Variants in MMP10 observed in about 807,000 individuals in gnomAD.
MMP10 encodes the protein stromelysin-2.
MMP10 carries 50 observed loss-of-function variants against 49.1 expected under a neutral mutation model. The observed-to-expected ratio is 1.02, with a 90% CI of 0.81 to 1.29. MMP10 has a LOEUF of 1.29. MMP10 is among the 50% of genes most tolerant of loss of function. The pLI is 0.00. For synonymous variants in MMP10, 229 were observed against 201.6 expected (o/e 1.14, Z -1.15); for missense variants, 613 against 563.8 (o/e 1.09, Z -0.88).
intron 7 of MMP10, among the ~76,000 whole-genome samples, chr11:102,774,217 T>C (rs763418220): frequency 1.3e-5 from 2 of 152,082 alleles, no homozygotes; most frequent in African/African-American, 2.4e-5. Flanking sequence ...ACAGAAGAAA[T>C]GGTTATTTAT....
chr11:102,776,845 T>G, intron 4 of MMP10, 69 bp from the exon 5 acceptor site: 1 of 1,584,278 alleles, frequency 6.3e-7, no homozygotes, highest in South Asian at 1.1e-5. Context: ...ACAGAACATA[T>G]GCCAGCTGTA....
rs1291229754 is a variant in MMP10 at position 102,775,222 on chromosome 11, T to C, written c.1032A>G (p.Glu344=). 2.5e-6 allele frequency: 4 copies of C among 1,607,214 alleles called. No homozygotes were observed. The highest frequency in any genetic ancestry group is 1.3e-5 in the African/African-American group (1 of 74,784). ...TAAAAACGGTGTCCCTGCTGTTAAC[T>C]TCATATGCAGCATCCAAATATGATG... is the stretch of plus-strand genomic sequence containing the variant. ...SLPSYLDAAY[E]VNSRDTVFIF... The change falls in exon 7 of 10, where the codon GAA becomes GAG. Residue 344 remains glutamate (E), a synonymous_variant. Transcript: ENST00000279441.
intron 4 of MMP10, 91 bp from the exon 5 acceptor site, chr11:102,776,867 T>C: frequency 7.0e-7 from 1 of 1,419,184 alleles, no homozygotes; most frequent in East Asian, 2.3e-5. Flanking sequence ...AGGCCATCCT[T>C]GAAACCACAA....
At chr11:102,779,172 C>T (rs1163391967) in intron 3 of MMP10, 41 bp downstream of exon 3, 1 of 1,607,730 alleles carries the variant, frequency 6.2e-7, no homozygotes, top group African/African-American at 1.3e-5. Flanking sequence ...GCAGTCTGAA[C>T]AGATGAATAC....
intron 1 of MMP10, 80 bp from the exon 2 acceptor site, chr11:102,779,825 C>T (rs1186906743): frequency 6.8e-7 from 1 of 1,471,720 alleles, no homozygotes; most frequent in Non-Finnish European, 9.1e-7. Context: ...CGTAATTTTC[C>T]TCTAGTTTCT....
At chr11:102,774,452 A>G (rs555118478) in intron 7 of MMP10, among the ~76,000 whole-genome samples, 2 of 152,226 alleles carry the variant, frequency 1.3e-5, no homozygotes, top group East Asian at 1.9e-4. Context: ...ATTATTACAT[A>G]TATTATGAGA....
intron 4 of MMP10, among the ~76,000 whole-genome samples, chr11:102,777,058 A>G (rs1857751558): frequency 6.6e-6 from 1 of 151,326 alleles, no homozygotes; most frequent in Admixed American, 6.6e-5. Context: ...ACAAATGAGA[A>G]GCATTATTTT....
At position 102,772,185 on chromosome 11, in the gene MMP10, A is replaced by G; in HGVS notation, c.1227-70T>C. 5 of 960,320 alleles carry G rather than the reference A, an allele frequency of 5.2e-6. No homozygotes were observed. The highest frequency in any genetic ancestry group is 7.9e-6 in the Non-Finnish European group (5 of 634,290). The allele number at this position is 960,320 out of a possible 1,614,324, so 59.5% of individuals were successfully genotyped here. A position where few individuals can be genotyped will look rare whatever the true frequency, so the allele number is the denominator to read the frequency against. Reference sequence around the variant, plus strand: ...CCATTACACACAATAGTATAATGTGATGTTAATTTTCCAGTGTGGAATCCT... The same window carrying G: ...CCATTACACACAATAGTATAATGTGGTGTTAATTTTCCAGTGTGGAATCCT... On this transcript the variant is annotated intron_variant, in intron 8 of 9. Transcript: ENST00000279441. This position sits in a 1 kb window ranked among gnomAD's most constrained non-coding sequence, Gnocchi z 4.4.
In MMP10 at chr11:102,776,326, C is replaced by T. The variant is rs139185475; in HGVS notation, c.886G>A (p.Asp296Asn). 4.2e-5 allele frequency: 67 copies of T among 1,613,852 alleles called. No individual in the cohort carries two copies. The East Asian group carries it at 5.1e-4, about 12-fold the overall frequency. ...TCTCCCCTCAGAGTGCTGATGGCAT[C>T]GAAGGACAAAGCAGGATCACACTTG... Reference protein sequence around the residue: ...PAKCDPALSFDAISTLRGEYL... With the variant: ...PAKCDPALSFNAISTLRGEYL... Residue 296 changes from aspartate (D) to asparagine (N), a missense_variant, in exon 6 of 10, where the codon GAT (aspartate) becomes AAT (asparagine). Transcript: ENST00000279441.
chr11:102,775,326 A>C lies in MMP10; in HGVS notation c.933-5T>G, dbSNP rs1380588785. ...TGGGATCTTCGCCAAAAATATCTGT[A>C]ATACATAAAATTACTTGCAATTGTC... On this transcript the variant is annotated splice_region_variant and splice_polypyrimidine_tract_variant and intron_variant, in intron 6 of 9. Coordinates refer to ENST00000279441, the MANE Select transcript of MMP10 (RefSeq NM_002425.3). 6.3e-7 allele frequency: 1 copy of C among 1,579,484 alleles called. No individual in the cohort carries two copies. Among genetic ancestry groups the C allele is most frequent in the Non-Finnish European group, 8.6e-7 (1 of 1,165,452 alleles).
intron 4 of MMP10, 140 bp downstream of exon 4, chr11:102,778,484 G>T: frequency 9.8e-7 from 1 of 1,018,000 alleles, no homozygotes; most frequent in Non-Finnish European, 1.4e-6. Flanking sequence ...GAAACAAACA[G>T]TACTTCTGTT....
At chr11:102,777,692 A>T (rs1294686475) in intron 4 of MMP10, among the ~76,000 whole-genome samples, 1 of 152,234 alleles carries the variant, frequency 6.6e-6, no homozygotes, top group East Asian at 1.9e-4. Context: ...TCAGCTTTTT[A>T]AAAATATTAT....
rs764434591 is a variant in MMP10 at position 102,778,620 on chromosome 11, C to T, written c.622+4G>A. The T allele has an allele frequency of 1.2e-6, 2 of 1,613,658 alleles. No individual in the cohort carries two copies. Among genetic ancestry groups the T allele is most frequent in the East Asian group, 4.5e-5 (2 of 44,868 alleles). On this transcript the variant is annotated splice_donor_region_variant and intron_variant, in intron 4 of 9. Transcript: ENST00000279441. ...GAAATGTTCCCGAGAGGTTTACGAC[C>T]CACCTGATGCATCTTCTGTCCATTT...
Position 102,777,282 on chromosome 11 carries a change from C to A in MMP10, c.623-506G>T, listed in dbSNP as rs143065533. Reference sequence around the variant, plus strand: ...TTTAGTCTGATTTTCTCTTCCTCCTCTTCATCATACTCAAGTAATTTTTTT... The same window carrying A: ...TTTAGTCTGATTTTCTCTTCCTCCTATTCATCATACTCAAGTAATTTTTTT... On this transcript the variant is annotated intron_variant, in intron 4 of 9. Transcript: ENST00000279441. 5.7e-4 allele frequency among the ~76,000 whole-genome samples: 87 copies of A among 152,166 alleles called. No individual in the cohort carries two copies. In the East Asian group the frequency reaches 0.016, roughly 28 times the overall value.
Position 102,772,170 on chromosome 11 carries a change from C to T in MMP10, c.1227-55G>A. 4.7e-6 allele frequency: 5 copies of T among 1,062,860 alleles called. No homozygotes were observed. The highest frequency in any genetic ancestry group is 5.8e-6 in the Non-Finnish European group (4 of 695,070). The allele number at this position is 1,062,860 out of a possible 1,614,324, so 65.8% of individuals were successfully genotyped here. On this transcript the variant is annotated intron_variant, in intron 8 of 9. Coordinates refer to ENST00000279441, the MANE Select transcript of MMP10 (RefSeq NM_002425.3). This position sits in a 1 kb window ranked among gnomAD's most constrained non-coding sequence, Gnocchi z 4.4. ...TGATGTGCAGTAGTCCCATTACACA[C>T]AATAGTATAATGTGATGTTAATTTT...
chr11:102,779,215 T>C lies in MMP10; in HGVS notation c.494A>G (p.Lys165Arg). The C allele has an allele frequency of 1.9e-6, 3 of 1,612,680 alleles. No individual in the cohort carries two copies. Among genetic ancestry groups the C allele is most frequent in the South Asian group, 1.1e-5 (1 of 90,922 alleles). ...AAATGGATGCTTTATTTGATTACCTTTAACTGCAAAAGAGATCATTATATC... is the reference window on the plus strand; with the variant it reads ...AAATGGATGCTTTATTTGATTACCTCTAACTGCAAAAGAGATCATTATATC... The part of the protein sequence containing the change: ...EADIMISFAV[K>R]EHGDFYSFDG... The change falls in exon 3 of 10, where the codon AAA (lysine) becomes AGA (arginine). Residue 165 changes from lysine (K) to arginine (R), a missense_variant and splice_region_variant. Transcript: ENST00000279441.
In MMP10 at chr11:102,778,744, C is replaced by T; in HGVS notation, c.502G>A (p.Gly168Arg). ...IMISFAVKEH[G>R]DFYSFDGPGH... ...GGGCCATCAAAAGAGTAAAAGTCTC[C>T]ATGTTCTGATAGGGAACAAATTAAT... Residue 168 changes from glycine (G) to arginine (R), a missense_variant, in exon 4 of 10, where the codon GGA (glycine) becomes AGA (arginine). Gly to Arg is a moderately radical substitution (Grantham distance 125, BLOSUM62 -2). Transcript: ENST00000279441. The T allele has an allele frequency of 6.2e-7, 1 of 1,613,768 alleles. No individual in the cohort carries two copies. The highest frequency in any genetic ancestry group is 8.5e-7 in the Non-Finnish European group (1 of 1,179,892).
chr11:102,775,082 G>A (rs1356418755), intron 7 of MMP10, 106 bp downstream of exon 7: 2 of 805,898 alleles, frequency 2.5e-6, no homozygotes, highest in East Asian at 6.3e-5. Context: ...GTTAGCACAA[G>A]GTCTTTCAGT....
At chr11:102,775,471 A>G in intron 6 of MMP10, 150 bp from the exon 7 acceptor site, 1 of 580,560 alleles carries the variant, frequency 1.7e-6, no homozygotes, top group Non-Finnish European at 2.9e-6. Context: ...AATGAAATCG[A>G]TGGCAGGACT....
Sources: allele counts gnomAD v4.1 joint callset (sites outside exome capture counted in the v4.1 genomes callset), GRCh38; gene constraint gnomAD v4.1.1; non-coding constraint Gnocchi (gnomAD v3.1); transcripts MANE v1.5; gene names NCBI Gene and HGNC (gene_info 2026-07-23, HGNC 2026-07-21).